Variants in MIR2052HG observed in about 807,000 individuals in gnomAD.
The protein encoded by MIR2052HG is MIR2052 host gene.
intron 2 of MIR2052HG, among the ~76,000 whole-genome samples, chr8:74,668,247 A>C (rs1178336460): frequency 6.6e-6 from 1 of 152,140 alleles, no homozygotes; most frequent in Non-Finnish European, 1.5e-5. Flanking sequence ...TTACAAAAAA[A>C]AAACAATAAG....
At chr8:74,732,054 C>G (rs184886366) in intron 4 of MIR2052HG, among the ~76,000 whole-genome samples, 2 of 152,052 alleles carry the variant, frequency 1.3e-5, no homozygotes, top group African/African-American at 4.8e-5. Flanking sequence ...AAAGGAATGC[C>G]AAGGAGACTA....
chr8:74,651,816 A>T (rs879494127), intron 2 of MIR2052HG, among the ~76,000 whole-genome samples: 1 of 152,140 alleles, frequency 6.6e-6, no homozygotes, highest in Non-Finnish European at 1.5e-5. Context: ...GCTCTTTCTG[A>T]ACCAGCGAGA....
At chr8:74,730,397 T>C (rs547834145) in intron 4 of MIR2052HG, among the ~76,000 whole-genome samples, 4 of 152,296 alleles carry the variant, frequency 2.6e-5, no homozygotes, top group African/African-American at 4.8e-5. Context: ...ATTTCTAATA[T>C]GGAAAGAGTT....
intron 2 of MIR2052HG, among the ~76,000 whole-genome samples, chr8:74,620,949 A>G (rs1296709857): frequency 6.6e-6 from 1 of 152,170 alleles, no homozygotes; most frequent in African/African-American, 2.4e-5. Flanking sequence ...ACACTTTGCC[A>G]CTTAGAAATT....
chr8:74,742,494 G>A (rs1017158473), intron 4 of MIR2052HG, among the ~76,000 whole-genome samples: 1 of 152,004 alleles, frequency 6.6e-6, no homozygotes, highest in Non-Finnish European at 1.5e-5. Context: ...CTTCATCTTT[G>A]TTGATCTTTG....
At chr8:74,657,855 G>A (rs1462994592) in intron 2 of MIR2052HG, among the ~76,000 whole-genome samples, 1 of 151,970 alleles carries the variant, frequency 6.6e-6, no homozygotes, top group African/African-American at 2.4e-5. Context: ...AGTGAGATTT[G>A]GGTGGGGATA....
At chr8:74,705,450 TA>T (rs1809400591) in intron 4 of MIR2052HG, among the ~76,000 whole-genome samples, 1 of 152,054 alleles carries the variant, frequency 6.6e-6, no homozygotes, top group African/African-American at 2.4e-5. Flanking sequence ...GATTGATACT[TA>T]AGGTCGTTTC....
At position 74,626,780 on chromosome 8, in the gene MIR2052HG, A is replaced by G. The variant is rs13439102; in HGVS notation, n.216+13840A>G. Among the ~76,000 whole-genome samples, 1,241 of 152,290 alleles carry G rather than the reference A, an allele frequency of 8.1e-3. 12 individuals are homozygous for G. The highest frequency in any genetic ancestry group is 0.028 in the African/African-American group (1,178 of 41,542). On this transcript the variant is annotated intron_variant and non_coding_transcript_variant, in intron 2 of 6. Transcript: ENST00000523442. Reference sequence around the variant, plus strand: ...CATCGTTTCATACCTGGACATCCCTACATTGTAACTCTGCATGCTCCTCCA... The same window carrying G: ...CATCGTTTCATACCTGGACATCCCTGCATTGTAACTCTGCATGCTCCTCCA...
chr8:74,689,252 G>A (rs1295517692), intron 2 of MIR2052HG, among the ~76,000 whole-genome samples: 6 of 152,162 alleles, frequency 3.9e-5, no homozygotes, highest in Non-Finnish European at 8.8e-5. Flanking sequence ...CTTCTTTGCA[G>A]TTTTACCAGA....
At chr8:74,624,468 C>T (rs1317993801) in intron 2 of MIR2052HG, among the ~76,000 whole-genome samples, 1 of 152,216 alleles carries the variant, frequency 6.6e-6, no homozygotes, top group Admixed American at 6.5e-5. Flanking sequence ...TAATCATGTT[C>T]TCATATCTTT....
intron 4 of MIR2052HG, among the ~76,000 whole-genome samples, chr8:74,712,960 G>C (rs1809484761): frequency 6.6e-6 from 1 of 152,120 alleles, no homozygotes; most frequent in Non-Finnish European, 1.5e-5. Flanking sequence ...GATGTGTGTT[G>C]ATAATAAAGG....
At chr8:74,707,353 A>G (rs1405926060) in intron 4 of MIR2052HG, among the ~76,000 whole-genome samples, 1 of 152,182 alleles carries the variant, frequency 6.6e-6, no homozygotes, top group African/African-American at 2.4e-5. Context: ...ACTGTTATAA[A>G]TACAAAGTCT....
intron 4 of MIR2052HG, among the ~76,000 whole-genome samples, chr8:74,720,705 G>A (rs1326377342): frequency 6.6e-6 from 1 of 152,078 alleles, no homozygotes; most frequent in Non-Finnish European, 1.5e-5. Context: ...CTGCTATAAA[G>A]AGCTACCTGA....
At chr8:74,675,757 G>A (rs534303395) in intron 2 of MIR2052HG, among the ~76,000 whole-genome samples, 3 of 151,924 alleles carry the variant, frequency 2.0e-5, no homozygotes, top group Admixed American at 6.6e-5. Flanking sequence ...AGAATTTTAG[G>A]CACAGTAAAA....
At chr8:74,651,362 G>A (rs1334665898) in intron 2 of MIR2052HG, among the ~76,000 whole-genome samples, 2 of 152,082 alleles carry the variant, frequency 1.3e-5, no homozygotes, top group Non-Finnish European at 2.9e-5. Context: ...GTGTTTGACA[G>A]GTAATGGTTA....
At chr8:74,665,673 T>C (rs929145935) in intron 2 of MIR2052HG, among the ~76,000 whole-genome samples, 5 of 152,142 alleles carry the variant, frequency 3.3e-5, no homozygotes, top group African/African-American at 1.2e-4. Context: ...GATTTTTTTC[T>C]TCTCACTTCT....
At chr8:74,729,083 T>C (rs1202125063) in intron 4 of MIR2052HG, among the ~76,000 whole-genome samples, 1 of 152,192 alleles carries the variant, frequency 6.6e-6, no homozygotes, top group Non-Finnish European at 1.5e-5. Context: ...ATCATTATTT[T>C]AATAATACTT....
intron 2 of MIR2052HG, among the ~76,000 whole-genome samples, chr8:74,629,369 G>A (rs527401951): frequency 6.6e-6 from 1 of 152,130 alleles, no homozygotes; most frequent in Admixed American, 6.6e-5. Flanking sequence ...ATTGAAACAA[G>A]CAGAGAGGGG....
intron 4 of MIR2052HG, among the ~76,000 whole-genome samples, chr8:74,706,467 A>AG (rs1160063365): frequency 6.6e-6 from 1 of 151,886 alleles, no homozygotes; most frequent in East Asian, 1.9e-4. Flanking sequence ...ACTTCCAAAA[A>AG]CCTTCTCACT....
Sources: gnomAD v4.1 joint callset for allele counts (sites outside exome capture counted in the v4.1 genomes callset) on GRCh38, gnomAD v4.1.1 for gene constraint, MANE v1.5 for transcripts, NCBI Gene and HGNC (gene_info 2026-07-23, HGNC 2026-07-21) for gene names.